The following KCNIP4 variants were observed in gnomAD, a reference collection of about 807,000 sequenced individuals.
The protein encoded by KCNIP4 is Kv channel-interacting protein 4.
KCNIP4 carries 12 observed loss-of-function variants against 34.0 expected under a neutral mutation model. The ratio of observed to expected loss-of-function variants is 0.35; its 90% CI spans 0.23 to 0.57. The LOEUF (loss-of-function observed/expected upper bound fraction) is 0.57, where lower values mean the gene tolerates loss of function less well. KCNIP4 is among the 20% of genes least tolerant of loss of function. The probability of loss-of-function intolerance (pLI) is 0.83; values close to 1 mark genes in which losing one functional copy is unlikely to be tolerated. For synonymous variants in KCNIP4, 124 were observed against 102.2 expected (o/e 1.21, Z -1.29); for missense variants, 238 against 311.7 (o/e 0.76, Z 1.78).
intron 1 of KCNIP4, among the ~76,000 whole-genome samples, chr4:21,200,804 A>AT (rs1560803950): frequency 0.019 from 2,804 of 151,386 alleles, 76 homozygotes; most frequent in African/African-American, 0.061. Context: ...AAAAAATAAA[A>AT]ATTTTTTTTT....
chr4:21,076,951 C>A (rs1745543261), intron 1 of KCNIP4, among the ~76,000 whole-genome samples: 1 of 151,922 alleles, frequency 6.6e-6, no homozygotes, highest in Non-Finnish European at 1.5e-5. Flanking sequence ...GGTGAAACCC[C>A]ATCTCTACTA....
Position 21,035,252 on chromosome 4 carries a change from C to T in KCNIP4, c.62-152543G>A, listed in dbSNP as rs527658926. Reference sequence around the variant, plus strand: ...TTTTGTCAGAACTGCTAGTTTCTAACGCATCTTTGGCATTGCCTGCAATTT... The same window carrying T: ...TTTTGTCAGAACTGCTAGTTTCTAATGCATCTTTGGCATTGCCTGCAATTT... On this transcript the variant is annotated intron_variant, in intron 1 of 8. Coordinates refer to ENST00000382152, the MANE Select transcript of KCNIP4 (RefSeq NM_025221.6). Among the ~76,000 whole-genome samples, 15 of 152,210 alleles carry T rather than the reference C, an allele frequency of 9.9e-5. No homozygotes were observed. In the South Asian group the frequency reaches 1.5e-3, roughly 15 times the overall value.
At chr4:21,106,777 C>T (rs1577701982) in intron 1 of KCNIP4, among the ~76,000 whole-genome samples, 2 of 151,354 alleles carry the variant, frequency 1.3e-5, no homozygotes, top group African/African-American at 4.9e-5. Flanking sequence ...GAATGTGTCC[C>T]AGAGATTCTG....
intron 1 of KCNIP4, among the ~76,000 whole-genome samples, chr4:21,804,647 C>T (rs539016640): frequency 1.3e-5 from 2 of 152,218 alleles, no homozygotes; most frequent in Admixed American, 1.3e-4. Context: ...ACCACTGCCA[C>T]TTTAAAAACC....
chr4:21,891,525 G>A (rs1727090350), intron 1 of KCNIP4, among the ~76,000 whole-genome samples: 1 of 152,216 alleles, frequency 6.6e-6, no homozygotes, highest in East Asian at 1.9e-4. Flanking sequence ...CCCTCTCTGA[G>A]CAGGGTGACA....
intron 1 of KCNIP4, among the ~76,000 whole-genome samples, chr4:21,827,828 C>A (rs987494485): frequency 3.3e-5 from 5 of 151,856 alleles, no homozygotes; most frequent in Non-Finnish European, 5.9e-5. Flanking sequence ...AACAGCAAGC[C>A]AAGAATTTCA....
intron 1 of KCNIP4, among the ~76,000 whole-genome samples, chr4:20,961,267 A>T (rs1733822459): frequency 6.6e-6 from 1 of 152,194 alleles, no homozygotes; most frequent in African/African-American, 2.4e-5. Context: ...AAGGAAAAAA[A>T]ATCTCTGGTA....
intron 1 of KCNIP4, among the ~76,000 whole-genome samples, chr4:21,193,571 ATTTT>A (rs71655619): frequency 8.4e-6 from 1 of 119,232 alleles, no homozygotes; most frequent in Non-Finnish European, 1.6e-5. Flanking sequence ...GCAATTTTAA[ATTTT>A]TTTTTTTTTT....
intron 1 of KCNIP4, among the ~76,000 whole-genome samples, chr4:21,670,041 C>G (rs1482816716): frequency 6.6e-6 from 1 of 152,154 alleles, no homozygotes; most frequent in Middle Eastern, 3.4e-3. Context: ...GCATATTTAT[C>G]TATTCAGGAA....
chr4:21,036,963 C>G (rs1242500424), intron 1 of KCNIP4, among the ~76,000 whole-genome samples: 7 of 151,820 alleles, frequency 4.6e-5, no homozygotes, highest in Non-Finnish European at 1.0e-4. Flanking sequence ...CTGGGGTAGG[C>G]CTTGGCTAAT....
chr4:21,419,872 C>T (rs1430449051), intron 1 of KCNIP4, among the ~76,000 whole-genome samples: 1 of 152,108 alleles, frequency 6.6e-6, no homozygotes, highest in African/African-American at 2.4e-5. Context: ...CTGGCGACAG[C>T]TGTTAGATTT....
chr4:21,460,594 G>A (rs774912520), intron 1 of KCNIP4, among the ~76,000 whole-genome samples: 1 of 152,098 alleles, frequency 6.6e-6, no homozygotes, highest in Non-Finnish European at 1.5e-5. Flanking sequence ...GGCAGAGAGA[G>A]AGAATGCTCT....
intron 1 of KCNIP4, among the ~76,000 whole-genome samples, chr4:21,404,844 A>G (rs113271314): frequency 0.037 from 5,581 of 152,294 alleles, 120 homozygotes; most frequent in Non-Finnish European, 0.059. Context: ...ACTGGTAACT[A>G]CACTATGACA....
intron 1 of KCNIP4, among the ~76,000 whole-genome samples, chr4:21,834,805 G>T (rs1443095564): frequency 6.6e-6 from 1 of 152,032 alleles, no homozygotes; most frequent in Admixed American, 6.6e-5. Flanking sequence ...AGCATGAAGG[G>T]TTGTTGAATT....
intron 1 of KCNIP4, among the ~76,000 whole-genome samples, chr4:20,935,942 GC>G (rs1731014163): frequency 1.3e-5 from 2 of 152,274 alleles, no homozygotes; most frequent in South Asian, 4.1e-4. Context: ...TAGTGTTTAG[GC>G]ACTTTGTGAA....
At chr4:21,210,047 T>C (rs984556820) in intron 1 of KCNIP4, among the ~76,000 whole-genome samples, 5 of 152,166 alleles carry the variant, frequency 3.3e-5, no homozygotes, top group Non-Finnish European at 5.9e-5. Context: ...TCTAGGAGAA[T>C]GACACCACGG....
intron 1 of KCNIP4, among the ~76,000 whole-genome samples, chr4:21,116,784 C>T (rs951536069): frequency 6.6e-6 from 1 of 152,160 alleles, no homozygotes; most frequent in Non-Finnish European, 1.5e-5. Context: ...AACCAACAAT[C>T]GATGCCTTCC....
At chr4:21,023,389 C>G (rs1740244205) in intron 1 of KCNIP4, among the ~76,000 whole-genome samples, 1 of 151,902 alleles carries the variant, frequency 6.6e-6, no homozygotes, top group African/African-American at 2.4e-5. Flanking sequence ...AAAGACAACC[C>G]ACAAAATGGG....
chr4:21,533,486 C>T (rs358825), intron 1 of KCNIP4, among the ~76,000 whole-genome samples: 104,586 of 151,896 alleles, frequency 0.69, 36,214 homozygotes, highest in East Asian at 0.84. Flanking sequence ...AATTATTTTA[C>T]CCCATTTTAG....
Sources: allele counts gnomAD v4.1 joint callset (sites outside exome capture counted in the v4.1 genomes callset), GRCh38; gene constraint gnomAD v4.1.1; transcripts MANE v1.5; gene names NCBI Gene and HGNC (gene_info 2026-07-23, HGNC 2026-07-21).